Variants in DPYD observed in about 807,000 individuals in gnomAD.
The protein encoded by DPYD is dihydropyrimidine dehydrogenase.
Under a neutral mutation model 116.2 loss-of-function variants are expected in DPYD, and 109 were observed. The ratio of observed to expected loss-of-function variants is 0.94; its 90% CI spans 0.80 to 1.10. The LOEUF (loss-of-function observed/expected upper bound fraction) is 1.10. DPYD is among the 50% of genes least tolerant of loss of function. DPYD has a pLI of 0.00. For missense variants in DPYD, 1,302 were observed against 1,254.5 expected (o/e 1.04, Z -0.57); for synonymous variants, 440 against 432.0 (o/e 1.02, Z -0.23).
At chr1:97,794,278 T>C (rs1043380120) in intron 3 of DPYD, among the ~76,000 whole-genome samples, 1 of 151,980 alleles carries the variant, frequency 6.6e-6, no homozygotes, top group Non-Finnish European at 1.5e-5. Flanking sequence ...ACCCACATAC[T>C]AGGAGGAAAT....
At chr1:97,474,875 A>G (rs1037367698) in intron 13 of DPYD, among the ~76,000 whole-genome samples, 10 of 152,068 alleles carry the variant, frequency 6.6e-5, no homozygotes, top group Admixed American at 2.0e-4. Flanking sequence ...CCTATCATTG[A>G]CTTTTGGAAT....
chr1:97,153,891 G>T (rs954123615), intron 20 of DPYD, among the ~76,000 whole-genome samples: 6 of 150,930 alleles, frequency 4.0e-5, no homozygotes, highest in African/African-American at 1.5e-4. Context: ...ATGGAAAAAT[G>T]CTCAGCATCA....
intron 4 of DPYD, 54 bp downstream of exon 4, chr1:97,740,338 G>A: frequency 2.1e-6 from 3 of 1,439,618 alleles, no homozygotes; most frequent in Non-Finnish European, 2.9e-6. Flanking sequence ...ACAGATAATA[G>A]AGAACAAGAT....
At chr1:97,175,743 CA>C (rs1223932387) in intron 20 of DPYD, among the ~76,000 whole-genome samples, 4 of 152,114 alleles carry the variant, frequency 2.6e-5, no homozygotes, top group African/African-American at 4.8e-5. Context: ...CCTCTTAGTC[CA>C]AAAAATCATC....
intron 6 of DPYD, among the ~76,000 whole-genome samples, chr1:97,695,346 G>C (rs576502400): frequency 8.7e-5 from 13 of 148,610 alleles, no homozygotes; most frequent in African/African-American, 2.7e-4. Context: ...TAGACCAGAG[G>C]ATAGCATGTT....
In DPYD at chr1:97,301,696, A is replaced by T. The variant is rs562964911; in HGVS notation, c.2299+3563T>A. On this transcript the variant is annotated intron_variant, in intron 18 of 22. Coordinates refer to ENST00000370192, the MANE Select transcript of DPYD (RefSeq NM_000110.4). ...CTCCCGAAGCACCTGTAAATGAATA[A>T]AGGTTATCCTCATGAAGTCAGCTGC... 2.5e-3 allele frequency among the ~76,000 whole-genome samples: 386 copies of T among 151,984 alleles called. 1 individual carries two copies. Among genetic ancestry groups the T allele is most frequent in the Non-Finnish European group, 3.6e-3 (246 of 67,910 alleles).
intron 21 of DPYD, among the ~76,000 whole-genome samples, chr1:97,087,239 T>G (rs1189805500): frequency 6.6e-6 from 1 of 152,164 alleles, no homozygotes; most frequent in Non-Finnish European, 1.5e-5. Context: ...TTTTCATCAG[T>G]GTGGTATAGT....
intron 1 of DPYD, among the ~76,000 whole-genome samples, chr1:97,920,317 C>T (rs983985171): frequency 2.6e-5 from 4 of 152,150 alleles, no homozygotes; most frequent in East Asian, 1.9e-4. Context: ...GAGGGCACTG[C>T]ATTTTTCATG....
chr1:97,359,397 C>G (rs1367815115), intron 16 of DPYD, among the ~76,000 whole-genome samples: 1 of 152,200 alleles, frequency 6.6e-6, no homozygotes, highest in East Asian at 1.9e-4. Flanking sequence ...AGGATATTTT[C>G]CAGGAGAATT....
intron 21 of DPYD, among the ~76,000 whole-genome samples, chr1:97,089,841 T>G (rs1373318981): frequency 6.7e-6 from 1 of 149,318 alleles, no homozygotes; most frequent in African/African-American, 2.5e-5. Context: ...TTTTTTTTTT[T>G]TTTTTTTTAC....
intron 2 of DPYD, among the ~76,000 whole-genome samples, chr1:97,834,795 T>A (rs2101509274): frequency 6.6e-6 from 1 of 152,060 alleles, no homozygotes; most frequent in Non-Finnish European, 1.5e-5. Context: ...TAGGTGAACT[T>A]ACTCTTTCTG....
chr1:97,206,988 T>A (rs1659685012), intron 19 of DPYD, among the ~76,000 whole-genome samples: 1 of 151,802 alleles, frequency 6.6e-6, no homozygotes, highest in African/African-American at 2.4e-5. Context: ...GCACAATAGG[T>A]ATCATCATTT....
chr1:97,106,953 T>C (rs879580906), intron 20 of DPYD, among the ~76,000 whole-genome samples: 1 of 152,168 alleles, frequency 6.6e-6, no homozygotes, highest in Non-Finnish European at 1.5e-5. Context: ...TATGTATGGA[T>C]ATATAAGAGG....
intron 3 of DPYD, among the ~76,000 whole-genome samples, chr1:97,784,412 G>A (rs1422035524): frequency 1.3e-5 from 2 of 152,138 alleles, no homozygotes; most frequent in Admixed American, 1.3e-4. Flanking sequence ...TAGATCTCTA[G>A]ATGAAGAGGA....
intron 16 of DPYD, among the ~76,000 whole-genome samples, chr1:97,360,895 C>G (rs1398750335): frequency 6.6e-6 from 1 of 152,020 alleles, no homozygotes; most frequent in Non-Finnish European, 1.5e-5. Context: ...ATTAAAAGAA[C>G]TAGAGAAGCA....
intron 3 of DPYD, among the ~76,000 whole-genome samples, chr1:97,795,046 TA>T (rs1425165775): frequency 1.3e-5 from 2 of 152,044 alleles, no homozygotes; most frequent in African/African-American, 4.8e-5. Flanking sequence ...GAGTAGGAAA[TA>T]AAAATAATTT....
chr1:97,907,459 G>A (rs1479767904), intron 1 of DPYD, among the ~76,000 whole-genome samples: 2 of 152,010 alleles, frequency 1.3e-5, no homozygotes, highest in African/African-American at 2.4e-5. Context: ...CAAGGATCAC[G>A]ATCTCGATTT....
At chr1:97,347,652 T>C (rs150194790) in intron 16 of DPYD, among the ~76,000 whole-genome samples, 1 of 151,964 alleles carries the variant, frequency 6.6e-6, no homozygotes, top group Admixed American at 6.6e-5. Context: ...ATTGAGGGAG[T>C]ATTGTGTTTT....
At chr1:97,302,017 A>G (rs1472222890) in intron 18 of DPYD, among the ~76,000 whole-genome samples, 1 of 152,016 alleles carries the variant, frequency 6.6e-6, no homozygotes, top group Non-Finnish European at 1.5e-5. Flanking sequence ...TACTGAGATT[A>G]GGGTTTTTTT....
Sources: gnomAD v4.1 joint callset for allele counts (sites outside exome capture counted in the v4.1 genomes callset) on GRCh38, gnomAD v4.1.1 for gene constraint, MANE v1.5 for transcripts, NCBI Gene and HGNC (gene_info 2026-07-23, HGNC 2026-07-21) for gene names.